MYDGF: variants seen among roughly 807,000 people sequenced by gnomAD.
MYDGF encodes myeloid-derived growth factor.
MYDGF carries 29 observed loss-of-function variants against 24.2 expected under a neutral mutation model. The observed-to-expected ratio is 1.20, with a 90% CI of 0.89 to 1.63. The LOEUF is 1.63. Ranked by LOEUF, MYDGF falls within the 40% of genes most tolerant of loss-of-function variation. MYDGF has a pLI of 0.00. For missense variants in MYDGF, 245 were observed against 234.8 expected, an observed-to-expected ratio of 1.04 and a Z score of -0.29; for synonymous variants, 105 against 102.5, an observed-to-expected ratio of 1.02 and a Z score of -0.15.
chr19:4,660,099 G>A, intron 4 of MYDGF, 96 bp from the exon 5 acceptor site: 2 of 1,218,432 alleles, frequency 1.6e-6, no homozygotes, highest in Non-Finnish European at 2.4e-6. Context: ...ACAGACTAAA[G>A]CTTTCTACTT....
chr19:4,658,182 A>AG, intron 5 of MYDGF, 98 bp from the exon 6 acceptor site: 1 of 1,002,552 alleles, frequency 1.0e-6, no homozygotes. Flanking sequence ...TAAGCAGGCA[A>AG]GGGGAGCAGT....
At position 4,660,647 on chromosome 19, in the gene MYDGF, T is replaced by G. The variant is rs542885676; in HGVS notation, c.369+22A>C. 110 of 1,608,042 alleles carry G rather than the reference T, an allele frequency of 6.8e-5. 1 individual carries two copies. In the East Asian group the frequency reaches 2.4e-3, roughly 36 times the overall value. On this transcript the variant is annotated intron_variant, in intron 4 of 5. Coordinates refer to ENST00000262947, the MANE Select transcript of MYDGF (RefSeq NM_019107.4). Reference sequence around the variant, plus strand: ...GTGCACAGAAGCCACACCCGGAGCCTGCCCCACTCCAAGATACTCACGTAG... The same window carrying G: ...GTGCACAGAAGCCACACCCGGAGCCGGCCCCACTCCAAGATACTCACGTAG...
intron 2 of MYDGF, among the ~76,000 whole-genome samples, chr19:4,667,467 TCAC>T (rs1436944613): frequency 1.3e-5 from 2 of 152,134 alleles, no homozygotes; most frequent in Non-Finnish European, 2.9e-5. Context: ...AGACGGGGTT[TCAC>T]CATGTTGGCC....
chr19:4,658,371 G>A (rs1201027447), intron 5 of MYDGF, among the ~76,000 whole-genome samples: 2 of 152,188 alleles, frequency 1.3e-5, no homozygotes. Flanking sequence ...ATGTTGTCAA[G>A]AAGAGATGCA....
intron 2 of MYDGF, among the ~76,000 whole-genome samples, chr19:4,667,432 C>T (rs1167652105): frequency 1.3e-5 from 2 of 151,754 alleles, no homozygotes; most frequent in Non-Finnish European, 1.5e-5. Context: ...CTGGCTCGCC[C>T]GGCTAATTTT....
rs185652448 is a variant in MYDGF, at chr19:4,657,812, G to T, written c.*193C>A. On this transcript the variant is annotated 3_prime_UTR_variant, in exon 6 of 6. Transcript: ENST00000262947. ...TGAGAAGCTGTTGGGAGCCAGGAGG[G>T]CCCTGGACCCTCTGTTCTCTGCCCC... The T allele has an allele frequency of 3.9e-6, 2 of 518,924 alleles. No homozygotes were observed. The highest frequency in any genetic ancestry group is 6.3e-5 in the Admixed American group (2 of 31,812). 32.1% of individuals were successfully genotyped at this position (518,924 alleles called of 1,614,324 possible).
chr19:4,669,802 G>A (rs1485085248), intron 1 of MYDGF, among the ~76,000 whole-genome samples: 1 of 152,084 alleles, frequency 6.6e-6, no homozygotes, highest in Non-Finnish European at 1.5e-5. Flanking sequence ...AGGCCCAGGA[G>A]GGCAGATGCC....
chr19:4,661,791 G>A (rs1406983134), intron 3 of MYDGF, among the ~76,000 whole-genome samples: 1 of 152,150 alleles, frequency 6.6e-6, no homozygotes, highest in Admixed American at 6.5e-5. Context: ...GGAGGCCTGG[G>A]GTGGCAGGTC....
In MYDGF at chr19:4,670,194, G is replaced by T; in HGVS notation, c.141C>A (p.Val47=). 6.4e-7 allele frequency: 1 copy of T among 1,555,686 alleles called. No individual in the cohort carries two copies. The highest frequency in any genetic ancestry group is 8.7e-7 in the Non-Finnish European group (1 of 1,154,134). ...CCACGTTATGGGAGAAGGAATGCAC[G>T]ACGCCGCCGGGCCGCACGTCAAACG... ...TVAFDVRPGG[V]VHSFSHNVGP... The change falls in exon 1 of 6, where the codon GTC becomes GTA. Residue 47 remains valine, a synonymous_variant. Coordinates refer to ENST00000262947, the MANE Select transcript of MYDGF (RefSeq NM_019107.4).
chr19:4,670,100 C>T, intron 1 of MYDGF, 61 bp downstream of exon 1: 1 of 1,399,702 alleles, frequency 7.1e-7, no homozygotes, highest in Non-Finnish European at 9.4e-7. Flanking sequence ...GCCCCCAATG[C>T]TCCGCGCCCC....
At chr19:4,664,526 G>C (rs1291807327) in intron 3 of MYDGF, among the ~76,000 whole-genome samples, 1 of 151,316 alleles carries the variant, frequency 6.6e-6, no homozygotes, top group African/African-American at 2.4e-5. Flanking sequence ...AAAGCCCTTT[G>C]GTGAGTTCGT....
Position 4,667,375 on chromosome 19 carries a change from G to A in MYDGF, c.225+1220C>T, listed in dbSNP as rs188368356. On this transcript the variant is annotated intron_variant, in intron 2 of 5. Coordinates refer to ENST00000262947, the MANE Select transcript of MYDGF (RefSeq NM_019107.4). ...GATCTCCTGACCTTGTGATCCACCC[G>A]CCTCGGCCTCCCAAAGTGCTGGGAT... Among the ~76,000 whole-genome samples the A allele has an allele frequency of 3.8e-3, 585 of 152,058 alleles. 6 individuals are homozygous for A. Among genetic ancestry groups the A allele is most frequent in the African/African-American group, 0.013 (550 of 41,484 alleles).
At chr19:4,660,116 G>T in intron 4 of MYDGF, 113 bp from the exon 5 acceptor site, 1 of 1,046,914 alleles carries the variant, frequency 9.6e-7, no homozygotes, top group Non-Finnish European at 1.5e-6. Context: ...ACTTTTACTA[G>T]AGATGGAGAG....
chr19:4,665,914 T>C (rs2088518241), intron 2 of MYDGF, among the ~76,000 whole-genome samples: 1 of 151,594 alleles, frequency 6.6e-6, no homozygotes, highest in Non-Finnish European at 1.5e-5. Context: ...AGATACCTTT[T>C]TCTCCCAGGT....
At chr19:4,666,269 C>T (rs112737982) in intron 2 of MYDGF, among the ~76,000 whole-genome samples, 4,852 of 151,726 alleles carry the variant, frequency 0.032, 253 homozygotes, top group African/African-American at 0.11. Context: ...TCAAAACATA[C>T]AGTTTTACTT....
At chr19:4,661,832 T>C (rs528276320) in intron 3 of MYDGF, among the ~76,000 whole-genome samples, 2 of 152,026 alleles carry the variant, frequency 1.3e-5, no homozygotes, top group South Asian at 4.2e-4. Flanking sequence ...TGGGGAGCTT[T>C]TGTGGGGGTT....
chr19:4,664,613 T>C (rs1433096836), intron 3 of MYDGF, among the ~76,000 whole-genome samples: 1 of 151,948 alleles, frequency 6.6e-6, no homozygotes, highest in Non-Finnish European at 1.5e-5. Context: ...CTGAGCTGCT[T>C]CTCCTTTTCC....
chr19:4,661,165 C>CCATG (rs1006382755), intron 3 of MYDGF, among the ~76,000 whole-genome samples: 15 of 152,138 alleles, frequency 9.9e-5, no homozygotes, highest in African/African-American at 3.4e-4. Context: ...CATGGTTTCA[C>CCATG]CATGTTGGCC....
chr19:4,664,923 A>T lies in MYDGF; in HGVS notation c.240T>A (p.Ser80Arg). ...QGGTNEQWQM[S>R]LGTSEDHQHF... ...GCTGGTGGTCTTCGCTGGTCCCCAG[A>T]CTCATCTGCCATTGCTGGGGAGAGA... is the stretch of plus-strand genomic sequence containing the variant. Residue 80 changes from serine (S) to arginine (R), a missense_variant, in exon 3 of 6, where the codon AGT (serine) becomes AGA (arginine). By Grantham distance (110) the Ser-to-Arg change is moderately radical. Coordinates refer to ENST00000262947, the MANE Select transcript of MYDGF (RefSeq NM_019107.4). 2 of 1,612,512 alleles carry T rather than the reference A, an allele frequency of 1.2e-6. No homozygotes were observed. The highest frequency in any genetic ancestry group is 1.7e-6 in the Non-Finnish European group (2 of 1,179,716).
Sources: gnomAD v4.1 joint callset for allele counts (sites outside exome capture counted in the v4.1 genomes callset) on GRCh38, gnomAD v4.1.1 for gene constraint, MANE v1.5 for transcripts, NCBI Gene and HGNC (gene_info 2026-07-23, HGNC 2026-07-21) for gene names.